Variants in CRLF1 observed in about 807,000 individuals in gnomAD.
CRLF1 encodes cytokine receptor like factor 1.
Under a neutral mutation model 48.9 loss-of-function variants are expected in CRLF1, and 36 were observed. That is an observed-to-expected ratio of 0.74 (90% CI 0.56 to 0.97). The LOEUF (loss-of-function observed/expected upper bound fraction) is 0.97, where lower values mean the gene tolerates loss of function less well. Ranked by LOEUF, CRLF1 falls within the 50% of genes least tolerant of loss-of-function variation. CRLF1 has a pLI of 0.00. For missense variants in CRLF1, 534 were observed against 575.1 expected (o/e 0.93, Z 0.73); for synonymous variants, 256 against 253.4 (o/e 1.01, Z -0.10).
At position 18,599,619 on chromosome 19, in the gene CRLF1, C is replaced by T. The variant is rs763125360; in HGVS notation, c.343G>A (p.Val115Met). Residue 115 changes from valine (V) to methionine (M), a missense_variant, in exon 2 of 9, where the codon GTG becomes ATG. This residue lies in a region of CRLF1 where 528 missense variants were observed against 555.7 expected (regional missense o/e 0.95). Coordinates refer to ENST00000392386, the MANE Select transcript of CRLF1 (RefSeq NM_004750.5). The stretch of plus-strand genomic sequence containing the variant: ...ATGCTGCCGTCACGGGCGTGGCACA[C>T]GAGGTTGTCCCCCGACCGCTGCCTG... Reference protein sequence around the residue: ...GSRQRSGDNLVCHARDGSILA... With the variant: ...GSRQRSGDNLMCHARDGSILA... The T allele has an allele frequency of 2.0e-5, 33 of 1,613,282 alleles. No homozygotes were observed. The highest frequency in any genetic ancestry group is 1.7e-4 in the Middle Eastern group (1 of 5,950).
At chr19:18,598,409 C>A in intron 4 of CRLF1, 23 bp downstream of exon 4, 2 of 1,601,858 alleles carry the variant, frequency 1.2e-6, no homozygotes, top group South Asian at 1.1e-5. Context: ...GAGGGAGGGG[C>A]CTAGCAGACA....
At chr19:18,598,634 G>A (rs1356516566) in intron 3 of CRLF1, 33 bp from the exon 4 acceptor site, 1 of 1,613,912 alleles carries the variant, frequency 6.2e-7, no homozygotes, top group Non-Finnish European at 8.5e-7. Context: ...GGACGCATGA[G>A]GGTTCCTTGT....
chr19:18,598,131 C>T (rs929816345), intron 4 of CRLF1, among the ~76,000 whole-genome samples: 2 of 152,274 alleles, frequency 1.3e-5, no homozygotes, highest in East Asian at 1.9e-4. Context: ...CTGGGCGCCC[C>T]CTCCCCTCTC....
At chr19:18,599,521 C>T (rs372420574) in intron 2 of CRLF1, 44 bp downstream of exon 2, 47 of 1,610,306 alleles carry the variant, frequency 2.9e-5, no homozygotes, top group Admixed American at 1.5e-4. Flanking sequence ...AGGGAGATGC[C>T]GCTCCCAAGA....
chr19:18,597,447 T>TTTTTTTTTTTTTTTG, intron 4 of CRLF1, among the ~76,000 whole-genome samples: 1 of 128,238 alleles, frequency 7.8e-6, no homozygotes, highest in Non-Finnish European at 1.6e-5. Flanking sequence ...TTTTTTTTTT[T>TTTTTTTTTTTTTTTG]GAGACGGAGT....
At chr19:18,601,183 C>T (rs1976215975) in intron 1 of CRLF1, among the ~76,000 whole-genome samples, 1 of 152,118 alleles carries the variant, frequency 6.6e-6, no homozygotes, top group African/African-American at 2.4e-5. Context: ...TCCTGTGATG[C>T]TCCCAGAGCC....
At chr19:18,594,032 T>TTGGGCCG in intron 8 of CRLF1, 33 bp downstream of exon 8, 4 of 695,814 alleles carry the variant, frequency 5.7e-6, no homozygotes, top group Non-Finnish European at 8.8e-6. Flanking sequence ...CTCCCCTTGC[T>TTGGGCCG]CCCTCCCGCC....
At chr19:18,597,496 C>T (rs1235315685) in intron 4 of CRLF1, among the ~76,000 whole-genome samples, 3 of 133,402 alleles carry the variant, frequency 2.2e-5, no homozygotes, top group Admixed American at 8.0e-5. Context: ...GTGGCGGGAT[C>T]TCGGCTCACT....
intron 1 of CRLF1, among the ~76,000 whole-genome samples, chr19:18,602,139 T>A (rs780722676): frequency 2.6e-5 from 4 of 152,188 alleles, no homozygotes; most frequent in Non-Finnish European, 5.9e-5. Flanking sequence ...CATGGGTGGT[T>A]GATGCCTCTC....
At chr19:18,593,684 G>A (rs1600648035) in intron 8 of CRLF1, 105 bp from the exon 9 acceptor site, 9 of 1,543,672 alleles carry the variant, frequency 5.8e-6, no homozygotes, top group Middle Eastern at 1.7e-4. Context: ...ACCGCTTCTG[G>A]CTGTGTGACT....
At position 18,593,581 on chromosome 19, in the gene CRLF1, T is replaced by G. The variant is rs773522090; in HGVS notation, c.1256-2A>C. On this transcript the variant is annotated splice_acceptor_variant, in intron 8 of 8. Transcript: ENST00000392386. LOFTEE classifies it high-confidence loss of function. ...CCCCTACAGCTTATCTGGCAGGACCTGCAGGCAGAGGGGAAGCCAAGCTAA... is the reference window on the plus strand; with the variant it reads ...CCCCTACAGCTTATCTGGCAGGACCGGCAGGCAGAGGGGAAGCCAAGCTAA... The G allele has an allele frequency of 6.2e-7, 1 of 1,608,950 alleles. No homozygotes were observed. Among genetic ancestry groups the G allele is most frequent in the South Asian group, 1.1e-5 (1 of 90,106 alleles).
chr19:18,596,527 C>T, intron 6 of CRLF1, 95 bp downstream of exon 6: 1 of 1,474,126 alleles, frequency 6.8e-7, no homozygotes, highest in Non-Finnish European at 9.1e-7. Flanking sequence ...GGCCGTGTCT[C>T]AAAAGAAAAA....
chr19:18,594,032 T>TTGGGGGG, intron 8 of CRLF1, 33 bp downstream of exon 8: 79 of 695,740 alleles, frequency 1.1e-4, no homozygotes, highest in Non-Finnish European at 1.5e-4. Flanking sequence ...CTCCCCTTGC[T>TTGGGGGG]CCCTCCCGCC....
At chr19:18,599,344 G>C (rs1392316662) in intron 2 of CRLF1, among the ~76,000 whole-genome samples, 2 of 152,134 alleles carry the variant, frequency 1.3e-5, no homozygotes, top group African/African-American at 4.8e-5. Context: ...GGCTTCAAGT[G>C]ATCCACCCAC....
intron 8 of CRLF1, 33 bp downstream of exon 8, chr19:18,594,032 T>TGGGGGGGG: frequency 2.0e-5 from 14 of 695,808 alleles, no homozygotes; most frequent in Non-Finnish European, 2.7e-5. Context: ...CTCCCCTTGC[T>TGGGGGGGG]CCCTCCCGCC....
chr19:18,595,977 A>G (rs1381959484), intron 6 of CRLF1, among the ~76,000 whole-genome samples: 2 of 152,112 alleles, frequency 1.3e-5, no homozygotes, highest in African/African-American at 4.8e-5. Flanking sequence ...AACAGACCAG[A>G]TGGGGATGGG....
chr19:18,605,522 T>C (rs1455585778), intron 1 of CRLF1, among the ~76,000 whole-genome samples: 2 of 152,036 alleles, frequency 1.3e-5, no homozygotes, highest in African/African-American at 4.8e-5. Context: ...TCGCCTCCCC[T>C]GTGGGATGTG....
At chr19:18,603,031 G>C (rs1302250757) in intron 1 of CRLF1, among the ~76,000 whole-genome samples, 1 of 152,196 alleles carries the variant, frequency 6.6e-6, no homozygotes, top group African/African-American at 2.4e-5. Context: ...ACTTCTTTGA[G>C]CCTCTGGAAA....
Position 18,599,614 on chromosome 19 carries a change from G to A in CRLF1, c.348C>T (p.Cys116=), listed in dbSNP as rs1171013820. 6.2e-7 allele frequency: 1 copy of A among 1,613,286 alleles called. No individual in the cohort carries two copies. The highest frequency in any genetic ancestry group is 1.7e-5 in the Admixed American group (1 of 60,020). The part of the protein sequence containing the change: ...SRQRSGDNLV[C]HARDGSILAG... ...CCAGGATGCTGCCGTCACGGGCGTG[G>A]CACACGAGGTTGTCCCCCGACCGCT... is the stretch of plus-strand genomic sequence containing the variant. The change falls in exon 2 of 9, where the codon TGC becomes TGT. Residue 116 remains cysteine (C), a synonymous_variant. Transcript: ENST00000392386.
Sources: allele counts gnomAD v4.1 joint callset (sites outside exome capture counted in the v4.1 genomes callset), GRCh38; gene constraint gnomAD v4.1.1; regional missense constraint gnomAD v4.1.1; transcripts MANE v1.5; gene names NCBI Gene and HGNC (gene_info 2026-07-23, HGNC 2026-07-21).